Variants in PKHD1L1 observed in about 807,000 individuals in gnomAD.
The protein encoded by PKHD1L1 is fibrocystin-L.
Under a neutral mutation model 462.9 loss-of-function variants are expected in PKHD1L1, and 434 were observed. That is an observed-to-expected ratio of 0.94 (90% confidence interval 0.87 to 1.02). The LOEUF is 1.02. Ranked by LOEUF, PKHD1L1 falls within the 50% of genes least tolerant of loss-of-function variation. The pLI, the probability that PKHD1L1 is intolerant of heterozygous loss-of-function variation, is 0.00. For missense variants in PKHD1L1, 5,202 were observed against 5,096.1 expected, an observed-to-expected ratio of 1.02 and a Z score of -0.63; for synonymous variants, 1,781 against 1,750.0, an observed-to-expected ratio of 1.02 and a Z score of -0.44.
chr8:109,425,911 G>C (rs911062837), intron 24 of PKHD1L1, among the ~76,000 whole-genome samples: 2 of 151,920 alleles, frequency 1.3e-5, no homozygotes, highest in Non-Finnish European at 2.9e-5. Flanking sequence ...TATTTTACCT[G>C]GTTTTGTTTT....
chr8:109,450,168 T>TG (rs1307720875), intron 40 of PKHD1L1, among the ~76,000 whole-genome samples: 1 of 152,218 alleles, frequency 6.6e-6, no homozygotes, highest in Non-Finnish European at 1.5e-5. Context: ...ATGTATTAAA[T>TG]GGGGATATTA....
At chr8:109,438,232 G>C (rs1459884523) in intron 30 of PKHD1L1, 92 bp from the exon 31 acceptor site, 20 of 966,864 alleles carry the variant, frequency 2.1e-5, no homozygotes, top group Non-Finnish European at 2.7e-5. Flanking sequence ...AACATCTTCA[G>C]AAGTTTATTC....
At chr8:109,443,989 C>A (rs896394462) in intron 37 of PKHD1L1, 87 bp downstream of exon 37, 1 of 1,185,166 alleles carries the variant, frequency 8.4e-7, no homozygotes. Flanking sequence ...TAATTTTTAC[C>A]AGCTTTATTG....
Position 109,464,967 on chromosome 8 carries a change from A to G in PKHD1L1, c.8135A>G (p.His2712Arg), listed in dbSNP as rs776981742. The G allele has an allele frequency of 1.9e-5, 30 of 1,613,750 alleles. No individual in the cohort carries two copies. The highest frequency in any genetic ancestry group is 2.5e-5 in the Non-Finnish European group (30 of 1,179,800). The change falls in exon 49 of 78, where the codon CAT (histidine) becomes CGT (arginine). Residue 2712 changes from histidine to arginine, a missense_variant. His to Arg is a conservative substitution (Grantham distance 29). This residue lies in a region of PKHD1L1 where 4,497 missense variants were observed against 4,336.8 expected (regional missense o/e 1.04). Transcript: ENST00000378402. ...ATTAAAAATGCCAAAATAGTCGGCC[A>G]TCTTGATGAACTGGGAATGGGGTCT... ...AVIKNAKIVG[H>R]LDELGMGSAF...
chr8:109,399,935 G>T, intron 12 of PKHD1L1, 141 bp from the exon 13 acceptor site: 1 of 839,330 alleles, frequency 1.2e-6, no homozygotes. Flanking sequence ...ACGTGTAGGG[G>T]AATGTGTAAT....
chr8:109,442,824 T>A (rs1216220855), intron 35 of PKHD1L1, 122 bp from the exon 36 acceptor site: 2 of 933,108 alleles, frequency 2.1e-6, no homozygotes, highest in Non-Finnish European at 3.2e-6. Flanking sequence ...TTCATACACA[T>A]GAAAAATAAG....
chr8:109,481,499 G>T lies in PKHD1L1; in HGVS notation c.9394G>T (p.Gly3132Ter), dbSNP rs527669591. 11 of 1,596,858 alleles carry T rather than the reference G, an allele frequency of 6.9e-6. No homozygotes were observed. In the South Asian group the frequency reaches 1.1e-4, roughly 16 times the overall value. ...AGGAGACTTAAAGATTGTTCTTAGA[G>T]GAAATCATACTACACAAGACTGGGC... ...FKGDLKIVLR[G>*]NHTTQDWALP... Residue 3132 changes from glycine to a stop codon, truncating the protein, a stop_gained, in exon 56 of 78, where the codon GGA (glycine) becomes TGA (stop). Transcript: ENST00000378402. LOFTEE classifies it high-confidence loss of function.
intron 38 of PKHD1L1, among the ~76,000 whole-genome samples, chr8:109,447,065 T>C (rs1469568774): frequency 6.6e-6 from 1 of 151,894 alleles, no homozygotes; most frequent in Non-Finnish European, 1.5e-5. Context: ...TCTACTAAAA[T>C]ACAAAAAATT....
intron 14 of PKHD1L1, among the ~76,000 whole-genome samples, chr8:109,403,616 C>G (rs1041036375): frequency 2.0e-5 from 3 of 152,064 alleles, no homozygotes; most frequent in Non-Finnish European, 2.9e-5. Flanking sequence ...CATCTCAAGT[C>G]AGAAGAGCTG....
intron 2 of PKHD1L1, among the ~76,000 whole-genome samples, chr8:109,378,921 C>T (rs577326746): frequency 5.9e-5 from 9 of 152,094 alleles, no homozygotes; most frequent in East Asian, 1.9e-4. Flanking sequence ...ACTTAACTTC[C>T]GCAAGAGAAC....
At chr8:109,521,379 AAGATC>A (rs1256178999) in intron 73 of PKHD1L1, among the ~76,000 whole-genome samples, 2 of 152,302 alleles carry the variant, frequency 1.3e-5, no homozygotes, top group East Asian at 3.9e-4. Flanking sequence ...TGTTTCTTAA[AAGATC>A]AGTCTGACTC....
At chr8:109,511,771 C>T (rs1034561669) in intron 71 of PKHD1L1, among the ~76,000 whole-genome samples, 1 of 152,206 alleles carries the variant, frequency 6.6e-6, no homozygotes, top group Non-Finnish European at 1.5e-5. Flanking sequence ...AATCACCACA[C>T]TGACTTCCAC....
intron 58 of PKHD1L1, 33 bp from the exon 59 acceptor site, chr8:109,486,615 A>C: frequency 6.3e-7 from 1 of 1,595,424 alleles, no homozygotes; most frequent in South Asian, 1.1e-5. Context: ...ACTTCTCAGC[A>C]TTGGCAATAA....
rs75748073 is a variant in PKHD1L1 at position 109,377,616 on chromosome 8, T to C, written c.164-3754T>C. 9.5e-3 allele frequency among the ~76,000 whole-genome samples: 1,451 copies of C among 152,308 alleles called. 20 individuals are homozygous for C. Among genetic ancestry groups the C allele is most frequent in the African/African-American group, 0.033 (1,369 of 41,576 alleles). On this transcript the variant is annotated intron_variant, in intron 2 of 77. Transcript: ENST00000378402. ...TGTTAGAATTCAGAATTTAGGAATT[T>C]TAGATATTGAAGTAATCTGGGCAAA... is the stretch of plus-strand genomic sequence containing the variant.
rs115989303 is a variant in PKHD1L1, at chr8:109,433,306, T to C, written c.3340+90T>C. The C allele has an allele frequency of 6.3e-4, 682 of 1,088,200 alleles. 5 individuals are homozygous for C. The African/African-American group carries it at 9.5e-3, about 15-fold the overall frequency. The allele number at this position is 1,088,200 out of a possible 1,614,324, so 67.4% of individuals were successfully genotyped here. ...CAGTATTACAATTATCTTGATCGTGTACAATTATCATGATCCAGTATTACA... is the reference window on the plus strand; with the variant it reads ...CAGTATTACAATTATCTTGATCGTGCACAATTATCATGATCCAGTATTACA... On this transcript the variant is annotated intron_variant, in intron 28 of 77. Coordinates refer to ENST00000378402, the MANE Select transcript of PKHD1L1 (RefSeq NM_177531.6).
chr8:109,520,871 G>T (rs201683535), intron 73 of PKHD1L1, among the ~76,000 whole-genome samples: 1 of 152,094 alleles, frequency 6.6e-6, no homozygotes, highest in Non-Finnish European at 1.5e-5. Context: ...CATGTCGAAC[G>T]GTCAGCGAGA....
Position 109,438,390 on chromosome 8 carries a change from T to A in PKHD1L1, c.3694T>A (p.Phe1232Ile), listed in dbSNP as rs1815561617. 1 of 1,541,142 alleles carries A rather than the reference T, an allele frequency of 6.5e-7. No individual in the cohort carries two copies. Among genetic ancestry groups the A allele is most frequent in the African/African-American group, 1.4e-5 (1 of 72,838 alleles). The part of the protein sequence containing the change: ...NGFQATARDA[F>I]SYNCLQTPII... ...ATTTCAAGCCACAGCAAGGGATGCT[T>A]TTAGTTATAATTGTTTACAGACACC... The change falls in exon 31 of 78, where the codon TTT (phenylalanine) becomes ATT (isoleucine). Residue 1232 changes from phenylalanine (F) to isoleucine (I), a missense_variant. Phe to Ile is a conservative substitution (Grantham distance 21). Around this residue, in one of 3 missense-constraint regions of PKHD1L1, gnomAD observed 4,497 missense variants for 4,336.8 expected, o/e 1.04. Transcript: ENST00000378402.
intron 30 of PKHD1L1, among the ~76,000 whole-genome samples, chr8:109,437,061 A>G (rs954270077): frequency 2.6e-5 from 4 of 152,038 alleles, no homozygotes; most frequent in Admixed American, 6.6e-5. Context: ...GATTACAGGC[A>G]TGTACCACCA....
intron 23 of PKHD1L1, among the ~76,000 whole-genome samples, chr8:109,423,033 G>A (rs974893441): frequency 1.2e-4 from 18 of 152,020 alleles, no homozygotes; most frequent in Admixed American, 1.2e-3. Context: ...AAATGTCTAG[G>A]TATAATTCTT....
Sources: gnomAD v4.1 joint callset for allele counts (sites outside exome capture counted in the v4.1 genomes callset) on GRCh38, gnomAD v4.1.1 for gene constraint, gnomAD v4.1.1 regional missense constraint, MANE v1.5 for transcripts, NCBI Gene and HGNC (gene_info 2026-07-23, HGNC 2026-07-21) for gene names.